Variants in RSRC1 observed in about 807,000 individuals in gnomAD.
RSRC1 encodes the protein arginine and serine rich coiled-coil 1, also known as serine/Arginine-related protein 53.
Under a neutral mutation model 49.1 loss-of-function variants are expected in RSRC1, and 39 were observed. The ratio of observed to expected loss-of-function variants is 0.79; its 90% CI spans 0.61 to 1.04. The LOEUF is 1.04. RSRC1 is among the 50% of genes least tolerant of loss of function. The probability of loss-of-function intolerance (pLI) is 0.00; values close to 1 mark genes in which losing one functional copy is unlikely to be tolerated. For missense variants in RSRC1, 388 were observed against 402.4 expected (o/e 0.96, Z 0.31); for synonymous variants, 143 against 130.8 (o/e 1.09, Z -0.63).
intron 5 of RSRC1, among the ~76,000 whole-genome samples, chr3:158,329,952 CCTCG>C (rs1378506870): frequency 6.6e-6 from 1 of 152,204 alleles, no homozygotes; most frequent in Non-Finnish European, 1.5e-5. Flanking sequence ...CCTCCACCAG[CCTCG>C]CTGCCGCCTT....
At chr3:158,158,628 G>GT (rs951411063) in intron 3 of RSRC1, among the ~76,000 whole-genome samples, 2 of 152,070 alleles carry the variant, frequency 1.3e-5, no homozygotes, top group African/African-American at 2.4e-5. Context: ...GCCTTAGAGT[G>GT]TTTTTTGTCT....
chr3:158,522,702 AT>A, intron 7 of RSRC1, among the ~76,000 whole-genome samples: 2 of 152,244 alleles, frequency 1.3e-5, no homozygotes, highest in African/African-American at 4.8e-5. Context: ...TTATTCATCC[AT>A]TTGATTTGAG....
At chr3:158,351,460 T>A (rs1730867785) in intron 5 of RSRC1, among the ~76,000 whole-genome samples, 1 of 152,252 alleles carries the variant, frequency 6.6e-6, no homozygotes, top group Non-Finnish European at 1.5e-5. Flanking sequence ...TTTAAAAGTT[T>A]GATCAATGTA....
chr3:158,392,995 A>G (rs1733403267), intron 6 of RSRC1, among the ~76,000 whole-genome samples: 2 of 152,112 alleles, frequency 1.3e-5, no homozygotes, highest in South Asian at 4.1e-4. Flanking sequence ...CAGTGCAGTG[A>G]AAATAGAAAT....
At chr3:158,217,648 G>T (rs1278297183) in intron 4 of RSRC1, among the ~76,000 whole-genome samples, 1 of 150,960 alleles carries the variant, frequency 6.6e-6, no homozygotes, top group African/African-American at 2.4e-5. Flanking sequence ...CCTCCATTTT[G>T]TCATTTATTC....
At chr3:158,177,597 C>T (rs1719305842) in intron 3 of RSRC1, among the ~76,000 whole-genome samples, 1 of 151,312 alleles carries the variant, frequency 6.6e-6, no homozygotes, top group Admixed American at 6.6e-5. Flanking sequence ...ACAATGAGAA[C>T]ACTTGGACAC....
chr3:158,158,366 A>G (rs548562940), intron 3 of RSRC1, among the ~76,000 whole-genome samples: 1 of 152,328 alleles, frequency 6.6e-6, no homozygotes, highest in South Asian at 2.1e-4. Context: ...GGATTTGGTC[A>G]TGCACTGGCG....
chr3:158,210,729 T>G (rs1011152981), intron 4 of RSRC1, among the ~76,000 whole-genome samples: 4 of 152,044 alleles, frequency 2.6e-5, no homozygotes, highest in Non-Finnish European at 2.9e-5. Context: ...AATAATCTAA[T>G]TTTTTAGAAA....
At chr3:158,542,807 A>G (rs1205693503) in intron 8 of RSRC1, among the ~76,000 whole-genome samples, 1 of 152,192 alleles carries the variant, frequency 6.6e-6, no homozygotes, top group Admixed American at 6.5e-5. Context: ...TTAAAAGGGT[A>G]AATTGTATGG....
intron 7 of RSRC1, among the ~76,000 whole-genome samples, chr3:158,527,995 T>A (rs1294437064): frequency 2.6e-5 from 4 of 151,900 alleles, no homozygotes; most frequent in African/African-American, 9.7e-5. Flanking sequence ...GGTATGTGTA[T>A]ATATATGTTT....
chr3:158,327,836 A>G (rs1404666211), intron 5 of RSRC1, among the ~76,000 whole-genome samples: 2 of 152,124 alleles, frequency 1.3e-5, no homozygotes, highest in Non-Finnish European at 2.9e-5. Flanking sequence ...GTGGGGTGTT[A>G]AAGTCTCCCA....
intron 6 of RSRC1, among the ~76,000 whole-genome samples, chr3:158,423,708 A>G (rs868340176): frequency 6.6e-6 from 1 of 152,166 alleles, no homozygotes; most frequent in South Asian, 2.1e-4. Context: ...CCTACCAATG[A>G]GCATGGAATG....
chr3:158,235,493 G>T (rs1228950676), intron 4 of RSRC1, among the ~76,000 whole-genome samples: 1 of 152,136 alleles, frequency 6.6e-6, no homozygotes, highest in African/African-American at 2.4e-5. Flanking sequence ...CCCAGCTAAT[G>T]CAAGATGCAT....
intron 1 of RSRC1, among the ~76,000 whole-genome samples, chr3:158,121,463 C>T (rs933200492): frequency 6.6e-6 from 1 of 152,122 alleles, no homozygotes; most frequent in Non-Finnish European, 1.5e-5. Flanking sequence ...TGACTGATTT[C>T]TCAATAACCT....
At chr3:158,158,087 A>G (rs187754384) in intron 3 of RSRC1, among the ~76,000 whole-genome samples, 145 of 152,334 alleles carry the variant, frequency 9.5e-4, no homozygotes, top group Middle Eastern at 6.8e-3. Flanking sequence ...AGTATGTTCA[A>G]TTAATGAGTT....
At chr3:158,493,038 A>G (rs1212325708) in intron 7 of RSRC1, among the ~76,000 whole-genome samples, 1 of 152,218 alleles carries the variant, frequency 6.6e-6, no homozygotes, top group African/African-American at 2.4e-5. Context: ...ACGACAGGCA[A>G]TAAACCAAAA....
chr3:158,349,149 T>C (rs1211282848), intron 5 of RSRC1, among the ~76,000 whole-genome samples: 1 of 152,142 alleles, frequency 6.6e-6, no homozygotes. Flanking sequence ...TCTCCTACTG[T>C]TTTCCACAGA....
At chr3:158,390,423 G>A (rs1470493556) in intron 6 of RSRC1, among the ~76,000 whole-genome samples, 1 of 152,102 alleles carries the variant, frequency 6.6e-6, no homozygotes, top group Non-Finnish European at 1.5e-5. Flanking sequence ...TGTCCTGGCA[G>A]TTATATATAA....
rs1013512858 is a variant in RSRC1, at chr3:158,192,702, G to A, written c.321-10370G>A. Among the ~76,000 whole-genome samples, 43 of 152,106 alleles carry A rather than the reference G, an allele frequency of 2.8e-4. 1 individual carries two copies. Among genetic ancestry groups the A allele is most frequent in the African/African-American group, 9.9e-4 (41 of 41,520 alleles). On this transcript the variant is annotated intron_variant, in intron 3 of 9. Coordinates refer to ENST00000611884, the MANE Select transcript of RSRC1 (RefSeq NM_001271838.2). The stretch of plus-strand genomic sequence containing the variant: ...AGTACCTCCTTCAAGACCTGCATAT[G>A]TCCCCCAAATATTTCCTTTTATCCT...
Sources: allele counts gnomAD v4.1 joint callset (sites outside exome capture counted in the v4.1 genomes callset), GRCh38; gene constraint gnomAD v4.1.1; transcripts MANE v1.5; gene names NCBI Gene and HGNC (gene_info 2026-07-23, HGNC 2026-07-21).